DNAJB11: variants seen among roughly 807,000 people sequenced by gnomAD.
DNAJB11 encodes DnaJ heat shock protein family (Hsp40) member B11.
DNAJB11 carries 30 observed loss-of-function variants against 47.2 expected under a neutral mutation model. The ratio of observed to expected loss-of-function variants is 0.64; its 90% CI spans 0.48 to 0.86. The LOEUF (loss-of-function observed/expected upper bound fraction) is 0.86. Among genes scored for constraint, DNAJB11 ranks in the 40% least tolerant of loss-of-function variants. The pLI is 0.00. For synonymous variants in DNAJB11, 151 were observed against 159.9 expected (o/e 0.94, Z 0.42); for missense variants, 357 against 440.2 (o/e 0.81, Z 1.69).
intron 4 of DNAJB11, 46 bp downstream of exon 4, chr3:186,577,846 C>A (rs751619022): frequency 2.0e-6 from 3 of 1,503,440 alleles, no homozygotes; most frequent in Non-Finnish European, 2.7e-6. Flanking sequence ...CCAGAACTTG[C>A]ACTTTTGACT....
At chr3:186,577,645 G>C (rs751846346) in intron 3 of DNAJB11, 23 bp from the exon 4 acceptor site, 1 of 1,470,770 alleles carries the variant, frequency 6.8e-7, no homozygotes, top group South Asian at 1.4e-5. Flanking sequence ...TTTTTTTCCT[G>C]ATGATTTTGC....
At chr3:186,578,938 C>T (rs946583394) in intron 4 of DNAJB11, 10 of 152,084 alleles carry the variant, frequency 6.6e-5, no homozygotes, top group Admixed American at 5.2e-4. Context: ...AGAAAGCAGC[C>T]ATGTGCAGTG....
intron 4 of DNAJB11, chr3:186,580,124 A>G (rs1039672186): frequency 3.9e-5 from 6 of 152,206 alleles, no homozygotes; most frequent in Non-Finnish European, 7.3e-5. Context: ...ATTAGCGCCC[A>G]TGTTCCCTTC....
At position 186,585,652 on chromosome 3, in the gene DNAJB11, C is replaced by A; in HGVS notation, c.*244C>A. ...TTTGGGGATTTAATGTCTGGTGCTG[C>A]CGCCTGAGTTTCAAGAATTAAAGCT... On this transcript the variant is annotated 3_prime_UTR_variant, in exon 10 of 10. Transcript: ENST00000265028. The A allele has an allele frequency of 3.7e-6, 1 of 273,132 alleles. No homozygotes were observed. Among genetic ancestry groups the A allele is most frequent in the Non-Finnish European group, 7.0e-6 (1 of 143,462 alleles). The allele number at this position is 273,132 out of a possible 1,614,324, so 16.9% of individuals were successfully genotyped here. A position where few individuals can be genotyped will look rare whatever the true frequency, so the allele number is the denominator to read the frequency against.
chr3:186,577,006 A>G (rs923983098), intron 3 of DNAJB11, among the ~76,000 whole-genome samples: 11 of 152,208 alleles, frequency 7.2e-5, no homozygotes, highest in African/African-American at 1.2e-4. Context: ...TGTAGGATTG[A>G]AGGTCACCTT....
At position 186,585,736 on chromosome 3, in the gene DNAJB11, T is replaced by G. The variant is rs1715666235; in HGVS notation, c.*328T>G. On this transcript the variant is annotated 3_prime_UTR_variant, in exon 10 of 10. Coordinates refer to ENST00000265028, the MANE Select transcript of DNAJB11 (RefSeq NM_016306.6). ...ATAGAGGGTTGGAGTTGTTAGCAAT[T>G]TCATTCAAAATGCCAACTGGAGAAG... 6.0e-6 allele frequency: 1 copy of G among 165,530 alleles called. No individual in the cohort carries two copies. 10.3% of individuals were successfully genotyped at this position (165,530 alleles called of 1,614,324 possible).
intron 1 of DNAJB11, among the ~76,000 whole-genome samples, chr3:186,571,738 G>A (rs999617062): frequency 6.6e-6 from 1 of 152,190 alleles, no homozygotes; most frequent in Non-Finnish European, 1.5e-5. Flanking sequence ...TAGGGAAAGG[G>A]GGGAAGAGTT....
rs778613208 is a variant in DNAJB11 at position 186,581,409 on chromosome 3, C to A, written c.495C>A (p.Gly165=). ...AACCTGTGGCAAGGCAGGCTCCTGG[C>A]AAACGGAAGTGCAATTGTCGGCAAG... ...RNKPVARQAP[G]KRKCNCRQEM... The change falls in exon 5 of 10, where the codon GGC becomes GGA. Residue 165 remains glycine, a synonymous_variant. Coordinates refer to ENST00000265028, the MANE Select transcript of DNAJB11 (RefSeq NM_016306.6). The A allele has an allele frequency of 1.2e-6, 2 of 1,613,852 alleles. No homozygotes were observed. Among genetic ancestry groups the A allele is most frequent in the South Asian group, 2.2e-5 (2 of 91,066 alleles).
chr3:186,571,032 T>TTGGGGGGGGGGGGGGGGGGGGGG, intron 1 of DNAJB11, 67 bp downstream of exon 1: 1 of 201,998 alleles, frequency 5.0e-6, no homozygotes, highest in East Asian at 1.2e-4. Context: ...TGGGAGGGGG[T>TTGGGGGGGGGGGGGGGGGGGGGG]GGGGGAAGTG....
Position 186,572,338 on chromosome 3 carries a change from C to CATTTATTT in DNAJB11, c.225+104_225+111dup, listed in dbSNP as rs6148229. Reference sequence around the variant, plus strand: ...ACAGAGAAACACTCCTTTCAGCTCACATTTATTTATTTATTTATTTATTTT... The same window carrying CATTTATTT: ...ACAGAGAAACACTCCTTTCAGCTCACATTTATTTATTTATTTATTTATTTATTTATTTT... On this transcript the variant is annotated intron_variant, in intron 2 of 9. Transcript: ENST00000265028. The CATTTATTT allele has an allele frequency of 3.0e-6, 3 of 991,864 alleles. No homozygotes were observed. In the East Asian group the frequency reaches 8.7e-5, roughly 29 times the overall value. The allele number at this position is 991,864 out of a possible 1,614,324, so 61.4% of individuals were successfully genotyped here. A position where few individuals can be genotyped will look rare whatever the true frequency, so the allele number is the denominator to read the frequency against.
chr3:186,583,081 A>T (rs1394509102), intron 7 of DNAJB11, among the ~76,000 whole-genome samples: 1 of 152,246 alleles, frequency 6.6e-6, no homozygotes, highest in Non-Finnish European at 1.5e-5. Flanking sequence ...GTATGGCACC[A>T]TACAAGAATA....
chr3:186,579,808 C>A lies in DNAJB11; in HGVS notation c.457-1563C>A, dbSNP rs1210019571. ...GTCATGGGAAACAGTTCAAAACAGC[C>A]CTCTATCTGTGGGATTTTCTCATAT... On this transcript the variant is annotated intron_variant, in intron 4 of 9. Transcript: ENST00000265028. 3.3e-5 allele frequency: 5 copies of A among 152,174 alleles called. 1 individual carries two copies. The highest frequency in any genetic ancestry group is 4.4e-5 in the Non-Finnish European group (3 of 68,040). 9.4% of individuals were successfully genotyped at this position (152,174 alleles called of 1,614,324 possible).
At chr3:186,575,781 G>A (rs143237837) in intron 2 of DNAJB11, 59 bp from the exon 3 acceptor site, 2 of 1,320,424 alleles carry the variant, frequency 1.5e-6, no homozygotes, top group East Asian at 2.3e-5. Context: ...AAATATGACT[G>A]TGCCTTAACT....
chr3:186,575,969 T>C (rs1324857043), intron 3 of DNAJB11, 32 bp downstream of exon 3: 1 of 1,485,642 alleles, frequency 6.7e-7, no homozygotes, highest in Non-Finnish European at 9.4e-7. Context: ...AAAGTGTTAG[T>C]GTCTGAGAGA....
At chr3:186,573,328 G>A (rs1715150659) in intron 2 of DNAJB11, among the ~76,000 whole-genome samples, 1 of 152,154 alleles carries the variant, frequency 6.6e-6, no homozygotes, top group Non-Finnish European at 1.5e-5. Flanking sequence ...GTGAACCCAA[G>A]AGCTGTTGGG....
chr3:186,581,257 T>A, intron 4 of DNAJB11, 114 bp from the exon 5 acceptor site: 1 of 1,205,606 alleles, frequency 8.3e-7, no homozygotes, highest in East Asian at 2.5e-5. Context: ...AGGGATAGAT[T>A]GCCAGAGAAG....
chr3:186,571,022 T>TGGGGGTCTGTTTTGGGGGGGGGGG, intron 1 of DNAJB11, 57 bp downstream of exon 1: 1 of 208,314 alleles, frequency 4.8e-6, no homozygotes, highest in Non-Finnish European at 9.4e-6. Flanking sequence ...TGCTGGGGGG[T>TGGGGGTCTGTTTTGGGGGGGGGGG]GGGAGGGGGT....
intron 2 of DNAJB11, among the ~76,000 whole-genome samples, chr3:186,575,202 T>G (rs1312289741): frequency 1.5e-5 from 2 of 137,234 alleles, no homozygotes; most frequent in African/African-American, 6.4e-5. Flanking sequence ...ATTACAAACT[T>G]AAACATATAT....
chr3:186,575,779 C>T (rs1715270095), intron 2 of DNAJB11, 61 bp from the exon 3 acceptor site: 1 of 1,300,582 alleles, frequency 7.7e-7, no homozygotes, highest in African/African-American at 1.5e-5. Flanking sequence ...ATAAATATGA[C>T]TGTGCCTTAA....
Sources: gnomAD v4.1 joint callset for allele counts (sites outside exome capture counted in the v4.1 genomes callset) on GRCh38, gnomAD v4.1.1 for gene constraint, MANE v1.5 for transcripts, NCBI Gene and HGNC (gene_info 2026-07-23, HGNC 2026-07-21) for gene names.